Variants in HEATR4 observed in about 807,000 individuals in gnomAD.
HEATR4 encodes HEAT repeat containing 4.
In HEATR4, 95 loss-of-function variants were observed where a neutral mutation model predicts 108.8. The observed-to-expected ratio is 0.87, with a 90% CI of 0.74 to 1.04. HEATR4 has a LOEUF of 1.04. Among genes scored for constraint, HEATR4 ranks in the 50% least tolerant of loss-of-function variants. The pLI, the probability that HEATR4 is intolerant of heterozygous loss-of-function variation, is 0.00. For missense variants in HEATR4, 1,152 were observed against 1,253.8 expected, an observed-to-expected ratio of 0.92 and a Z score of 1.23; for synonymous variants, 443 against 459.4, an observed-to-expected ratio of 0.96 and a Z score of 0.46.
intron 9 of HEATR4, among the ~76,000 whole-genome samples, chr14:73,506,827 T>TTTTTTTTTG (rs1886887990): frequency 1.6e-5 from 2 of 122,892 alleles, no homozygotes; most frequent in Non-Finnish European, 3.4e-5. Flanking sequence ...TTTTTTTTTC[T>TTTTTTTTTG]GAGAAGGTTG....
intron 8 of HEATR4, 70 bp downstream of exon 8, chr14:73,509,241 AG>A (rs1339882827): frequency 2.2e-5 from 32 of 1,430,050 alleles, no homozygotes; most frequent in Non-Finnish European, 3.1e-5. Flanking sequence ...TGGAGAGGAA[AG>A]GACTGGGAAA....
chr14:73,520,558 A>AG (rs1887911521), intron 4 of HEATR4: 1 of 286,376 alleles, frequency 3.5e-6, no homozygotes, highest in African/African-American at 2.2e-5. Flanking sequence ...GGGTAGATAG[A>AG]GAAGAGATGG....
Position 73,520,924 on chromosome 14 carries a change from G to A in HEATR4, c.997C>T (p.Arg333Cys), listed in dbSNP as rs749894837. The change falls in exon 4 of 18, where the codon CGC (arginine) becomes TGC (cysteine). Residue 333 changes from arginine to cysteine, a missense_variant. Arg to Cys is a radical substitution (Grantham distance 180). Coordinates refer to ENST00000553558, the MANE Select transcript of HEATR4 (RefSeq NM_001220484.1). ...LSQPQTQSYF[R>C]QVTPRAGKFA... ...TTTCCAGCTCGGGGAGTCACCTGGC[G>A]AAAGTAGCTCTGGGTTTGGGGCTGG... 1.2e-5 allele frequency: 20 copies of A among 1,613,914 alleles called. No homozygotes were observed. Among genetic ancestry groups the A allele is most frequent in the South Asian group, 7.7e-5 (7 of 91,078 alleles).
At position 73,536,516 on chromosome 14, in the gene HEATR4, TAAAAAAA is replaced by T. The variant is rs543491523; in HGVS notation, c.-151-6279_-151-6273del. On this transcript the variant is annotated intron_variant, in intron 1 of 17. Coordinates refer to ENST00000553558, the MANE Select transcript of HEATR4 (RefSeq NM_001220484.1). ...GCAACGTAGTGAGACCCTGTCTCTT[TAAAAAAA>T]AAAAAAAAAAAAAAAAAAGATGAGA... Among the ~76,000 whole-genome samples the T allele has an allele frequency of 4.0e-4, 24 of 59,338 alleles. 7 individuals are homozygous for T. The highest frequency in any genetic ancestry group is 1.4e-3 in the African/African-American group (22 of 16,270). 38.9% of individuals were successfully genotyped at this position (59,338 alleles called of 152,430 possible).
the HEATR4 span, among the ~76,000 whole-genome samples, chr14:73,574,595 T>C: frequency 6.6e-6 from 1 of 151,768 alleles, no homozygotes; most frequent in Admixed American, 6.6e-5. Context: ...GATGACTCAG[T>C]TTAGTTATGA....
chr14:73,491,165 A>G (rs1363565773), intron 17 of HEATR4: 4 of 1,603,982 alleles, frequency 2.5e-6, no homozygotes, highest in Non-Finnish European at 3.4e-6. Context: ...TGTATCCCGC[A>G]TGGCAGCGCT....
chr14:73,629,665 G>A, the HEATR4 span, among the ~76,000 whole-genome samples: 1 of 148,400 alleles, frequency 6.7e-6, no homozygotes, highest in East Asian at 1.9e-4. Context: ...TTTTTTTTGA[G>A]ATGGAGTCTC....
intron 17 of HEATR4, among the ~76,000 whole-genome samples, chr14:73,486,580 C>T (rs1387286248): frequency 6.6e-6 from 1 of 152,100 alleles, no homozygotes; most frequent in Non-Finnish European, 1.5e-5. Context: ...CGCCTGTAAT[C>T]CCAGCTACTT....
chr14:73,547,119 A>C (rs907358578), intron 1 of HEATR4, among the ~76,000 whole-genome samples: 3 of 111,092 alleles, frequency 2.7e-5, no homozygotes, highest in African/African-American at 8.5e-5. Flanking sequence ...GCGGTGGCTT[A>C]CGCCTGTAAT....
Position 73,537,298 on chromosome 14 carries a change from G to C in HEATR4, c.-151-7054C>G. 2 of 883,526 alleles carry C rather than the reference G, an allele frequency of 2.3e-6. 1 individual carries two copies. The highest frequency in any genetic ancestry group is 3.1e-6 in the Non-Finnish European group (2 of 639,316). 54.7% of individuals were successfully genotyped at this position (883,526 alleles called of 1,614,324 possible). A position where few individuals can be genotyped will look rare whatever the true frequency, so the allele number is the denominator to read the frequency against. On this transcript the variant is annotated intron_variant, in intron 1 of 17. Transcript: ENST00000553558. ...ACTCTGGCCTTCCCCGCTCACATTA[G>C]CAGACAGCTCTGCCCTAGTGGGCGT...
the HEATR4 span, among the ~76,000 whole-genome samples, chr14:73,623,866 C>CGCCATGT: frequency 6.6e-6 from 1 of 152,014 alleles, no homozygotes; most frequent in African/African-American, 2.4e-5. Context: ...GCTTCTCTCT[C>CGCCATGT]GCCATGTGAT....
At chr14:73,577,142 G>A in the HEATR4 span, among the ~76,000 whole-genome samples, 2 of 151,764 alleles carry the variant, frequency 1.3e-5, no homozygotes, top group African/African-American at 2.4e-5. Flanking sequence ...GTGTTGCCCA[G>A]ACTAGCCTTG....
In HEATR4 at chr14:73,506,529, G is replaced by C; in HGVS notation, c.1924C>G (p.Gln642Glu). 6.2e-7 allele frequency: 1 copy of C among 1,613,726 alleles called. No individual in the cohort carries two copies. Among genetic ancestry groups the C allele is most frequent in the Non-Finnish European group, 8.5e-7 (1 of 1,180,014 alleles). Residue 642 changes from glutamine to glutamate, a missense_variant, in exon 10 of 18, where the codon CAA becomes GAA. Gln to Glu is a conservative substitution (Grantham distance 29). Coordinates refer to ENST00000553558, the MANE Select transcript of HEATR4 (RefSeq NM_001220484.1). ...TMLAVELNSC[Q>E]WKNRIVACQA... is the part of the protein sequence containing the mutation. Reference sequence around the variant, plus strand: ...CAGGCCACAATCCGGTTCTTCCATTGACAGCTGTTCAGCTCCACAGCAAGC... The same window carrying C: ...CAGGCCACAATCCGGTTCTTCCATTCACAGCTGTTCAGCTCCACAGCAAGC...
At chr14:73,491,253 T>C in intron 17 of HEATR4, 2 of 1,581,214 alleles carry the variant, frequency 1.3e-6, no homozygotes, top group Non-Finnish European at 1.7e-6. Flanking sequence ...GGGGACGCGC[T>C]ACCCGGTGGG....
chr14:73,495,141 G>T (rs977676925), intron 16 of HEATR4, 87 bp downstream of exon 16: 4 of 1,176,876 alleles, frequency 3.4e-6, no homozygotes, highest in Non-Finnish European at 4.9e-6. Context: ...ATCCTCTAAG[G>T]CTTGCTACTA....
chr14:73,549,278 G>A (rs2158981), intron 1 of HEATR4, among the ~76,000 whole-genome samples: 1 of 114,086 alleles, frequency 8.8e-6, no homozygotes, highest in South Asian at 2.8e-4. Context: ...GTGTCTGTGT[G>A]TGTGTGTATC....
chr14:73,518,880 G>T, intron 5 of HEATR4, 143 bp downstream of exon 5: 1 of 686,274 alleles, frequency 1.5e-6, no homozygotes, highest in Non-Finnish European at 2.4e-6. Context: ...ATTATTTTTA[G>T]TACGTAGAAA....
the HEATR4 span, chr14:73,633,641 G>C: frequency 6.6e-6 from 1 of 152,162 alleles, no homozygotes; most frequent in Non-Finnish European, 1.5e-5. Context: ...ATTCAGAGGC[G>C]GCCAGAGGCC....
At chr14:73,624,777 C>T in the HEATR4 span, among the ~76,000 whole-genome samples, 1 of 152,144 alleles carries the variant, frequency 6.6e-6, no homozygotes, top group South Asian at 2.1e-4. Flanking sequence ...GTCTATATGC[C>T]TCATCTATGA....
Sources: gnomAD v4.1 joint callset for allele counts (sites outside exome capture counted in the v4.1 genomes callset) on GRCh38, gnomAD v4.1.1 for gene constraint, MANE v1.5 for transcripts, NCBI Gene and HGNC (gene_info 2026-07-23, HGNC 2026-07-21) for gene names.